ANXA13: variants seen among roughly 807,000 people sequenced by gnomAD.
ANXA13 encodes the protein annexin A13.
Under a neutral mutation model 46.6 loss-of-function variants are expected in ANXA13, and 36 were observed. The ratio of observed to expected loss-of-function variants is 0.77; its 90% CI spans 0.59 to 1.02. The LOEUF (loss-of-function observed/expected upper bound fraction) is 1.02. Ranked by LOEUF, ANXA13 falls within the 50% of genes least tolerant of loss-of-function variation. The probability of loss-of-function intolerance (pLI) is 0.00; values close to 1 mark genes in which losing one functional copy is unlikely to be tolerated. For synonymous variants in ANXA13, 163 were observed against 152.9 expected, an observed-to-expected ratio of 1.07 and a Z score of -0.49; for missense variants, 417 against 396.5, an observed-to-expected ratio of 1.05 and a Z score of -0.44.
chr8:123,700,613 A>C (rs1303316902), intron 3 of ANXA13, among the ~76,000 whole-genome samples: 1 of 152,210 alleles, frequency 6.6e-6, no homozygotes, highest in Non-Finnish European at 1.5e-5. Context: ...TTTAAGTTTT[A>C]ACAGGGCCCC....
intron 4 of ANXA13, 72 bp from the exon 5 acceptor site, chr8:123,695,793 A>G (rs1036817776): frequency 1.5e-6 from 2 of 1,344,608 alleles, no homozygotes; most frequent in Admixed American, 3.5e-5. Flanking sequence ...CAGAGAGAAG[A>G]GGCGGGAGAC....
intron 4 of ANXA13, among the ~76,000 whole-genome samples, chr8:123,696,858 A>G (rs7819852): frequency 0.029 from 4,425 of 152,330 alleles, 205 homozygotes; most frequent in African/African-American, 0.098. Context: ...AGGAACTTAA[A>G]GAAACTAGGC....
intron 1 of ANXA13, among the ~76,000 whole-genome samples, chr8:123,723,479 T>C (rs771772874): frequency 5.3e-5 from 8 of 152,188 alleles, no homozygotes; most frequent in Non-Finnish European, 1.0e-4. Flanking sequence ...ACTGGGACAG[T>C]TCCAGGTAAA....
chr8:123,686,470 A>AAAAGAAAG (rs543852343), intron 9 of ANXA13, among the ~76,000 whole-genome samples: 70 of 148,882 alleles, frequency 4.7e-4, no homozygotes, highest in South Asian at 2.4e-3. Flanking sequence ...AAAAAAAAAA[A>AAAAGAAAG]AAAGAAAGAA....
intron 2 of ANXA13, among the ~76,000 whole-genome samples, chr8:123,711,071 C>T (rs1264519226): frequency 6.6e-6 from 1 of 152,146 alleles, no homozygotes; most frequent in Non-Finnish European, 1.5e-5. Context: ...TCTCCCTACT[C>T]AGTGGGGCCC....
chr8:123,688,930 A>T lies in ANXA13; in HGVS notation c.659T>A (p.Ile220Lys). Reference sequence around the variant, plus strand: ...TGTTTCTTCTTCAATGGCTTCTTCTATGTCTTTGCCAATGAGCTGCAGCGA... The same window carrying T: ...TGTTTCTTCTTCAATGGCTTCTTCTTTGTCTTTGCCAATGAGCTGCAGCGA... Reference protein sequence around the residue: ...QAYQILIGKDIEEAIEEETSG... With the variant: ...QAYQILIGKDKEEAIEEETSG... Residue 220 changes from isoleucine to lysine, a missense_variant, in exon 9 of 11, where the codon ATA becomes AAA. By Grantham distance (102) the Ile-to-Lys change is moderately radical. Transcript: ENST00000419625. The T allele has an allele frequency of 1.2e-6, 2 of 1,613,782 alleles. No individual in the cohort carries two copies. Among genetic ancestry groups the T allele is most frequent in the East Asian group, 4.5e-5 (2 of 44,868 alleles).
chr8:123,700,528 C>A (rs576804326), intron 3 of ANXA13, among the ~76,000 whole-genome samples: 92 of 152,330 alleles, frequency 6.0e-4, no homozygotes, highest in African/African-American at 2.2e-3. Flanking sequence ...TTCTCTGAAA[C>A]ACAGCTGAGA....
At chr8:123,689,090 G>A (rs1293544286) in intron 8 of ANXA13, 144 bp from the exon 9 acceptor site, 5 of 730,824 alleles carry the variant, frequency 6.8e-6, no homozygotes, top group Admixed American at 4.4e-5. Context: ...CTCTTGCCTT[G>A]TAGGATTGGG....
At chr8:123,719,587 C>T (rs1813823230) in intron 1 of ANXA13, among the ~76,000 whole-genome samples, 3 of 152,112 alleles carry the variant, frequency 2.0e-5, no homozygotes, top group African/African-American at 7.2e-5. Flanking sequence ...TGCTGGTTCT[C>T]AAAGGGCGGT....
rs190952367 is a variant in ANXA13, at chr8:123,685,503, A to C, written c.719-781T>G. On this transcript the variant is annotated intron_variant, in intron 9 of 10. Coordinates refer to ENST00000419625, the MANE Select transcript of ANXA13 (RefSeq NM_004306.4). ...GCTAACACGTTAGAGGAAAAAAAAA[A>C]TATTTGCCCTTTAGGCTGTTAACAT... 4.6e-5 allele frequency among the ~76,000 whole-genome samples: 7 copies of C among 152,322 alleles called. No homozygotes were observed. The East Asian group carries it at 1.3e-3, about 29-fold the overall frequency.
In ANXA13 at chr8:123,681,055, C is replaced by A. The variant is rs1298647358; in HGVS notation, c.*185G>T. On this transcript the variant is annotated 3_prime_UTR_variant, in exon 11 of 11. Transcript: ENST00000419625. Reference sequence around the variant, plus strand: ...TAAGCCAGAGTTCAAGGTGCCCTGCCCACGCATCTTAACGTTACTGCCCTT... The same window carrying A: ...TAAGCCAGAGTTCAAGGTGCCCTGCACACGCATCTTAACGTTACTGCCCTT... The A allele has an allele frequency of 5.9e-6, 4 of 674,506 alleles. No individual in the cohort carries two copies. Among genetic ancestry groups the A allele is most frequent in the Non-Finnish European group, 7.0e-6 (3 of 430,000 alleles). The allele number at this position is 674,506 out of a possible 1,614,324, so 41.8% of individuals were successfully genotyped here. A position where few individuals can be genotyped will look rare whatever the true frequency, so the allele number is the denominator to read the frequency against.
chr8:123,727,328 T>A (rs1303164436), intron 1 of ANXA13, among the ~76,000 whole-genome samples: 5 of 152,192 alleles, frequency 3.3e-5, no homozygotes, highest in Non-Finnish European at 5.9e-5. Flanking sequence ...AGAAGCTGAC[T>A]TTTCTCTGTT....
At chr8:123,733,386 T>C (rs1054130036) in intron 1 of ANXA13, among the ~76,000 whole-genome samples, 3 of 152,164 alleles carry the variant, frequency 2.0e-5, no homozygotes, top group African/African-American at 7.2e-5. Flanking sequence ...TTCACCTGCC[T>C]CCAGAGCCTG....
At chr8:123,704,527 G>A (rs1222453360) in intron 2 of ANXA13, among the ~76,000 whole-genome samples, 1 of 152,004 alleles carries the variant, frequency 6.6e-6, no homozygotes, top group East Asian at 1.9e-4. Flanking sequence ...CTCCCGAGTA[G>A]CTGGGATTAC....
intron 1 of ANXA13, among the ~76,000 whole-genome samples, chr8:123,714,683 A>T (rs1813729795): frequency 6.6e-6 from 1 of 152,220 alleles, no homozygotes; most frequent in African/African-American, 2.4e-5. Flanking sequence ...GCCGAAAGGA[A>T]CATCAGGGCC....
Position 123,735,899 on chromosome 8 carries a change from A to G in ANXA13, c.15+1421T>C, listed in dbSNP as rs1021824838. ...GGCTCTGAGGATTAAAAAAAAATAC[A>G]TAAAAATGCTGGTCCACTCCTAAAG... On this transcript the variant is annotated intron_variant, in intron 1 of 10. Transcript: ENST00000419625. 5.1e-6 allele frequency: 8 copies of G among 1,575,284 alleles called. No homozygotes were observed. In the South Asian group the frequency reaches 7.1e-5, roughly 14 times the overall value.
Position 123,681,234 on chromosome 8 carries a change from C to G in ANXA13, c.*6G>C. The G allele has an allele frequency of 3.1e-6, 5 of 1,606,070 alleles. No homozygotes were observed. The highest frequency in any genetic ancestry group is 4.3e-6 in the Non-Finnish European group (5 of 1,176,176). ...CCACCCTGTGTTCCTATTGCCCTGG[C>G]TTGGCTCAGTGCAAGAGGGCTACTA... On this transcript the variant is annotated 3_prime_UTR_variant, in exon 11 of 11. Transcript: ENST00000419625.
At chr8:123,721,266 C>T (rs1813866101) in intron 1 of ANXA13, among the ~76,000 whole-genome samples, 1 of 152,080 alleles carries the variant, frequency 6.6e-6, no homozygotes, top group Admixed American at 6.6e-5. Context: ...AAGAATACTA[C>T]AGATTTAAGG....
intron 2 of ANXA13, among the ~76,000 whole-genome samples, chr8:123,708,194 A>T (rs1169487488): frequency 6.6e-6 from 1 of 152,236 alleles, no homozygotes. Context: ...TTTTTTAAAA[A>T]TGAGAAAAGA....
Sources: gnomAD v4.1 joint callset for allele counts (sites outside exome capture counted in the v4.1 genomes callset) on GRCh38, gnomAD v4.1.1 for gene constraint, MANE v1.5 for transcripts, NCBI Gene and HGNC (gene_info 2026-07-23, HGNC 2026-07-21) for gene names.